ANKRD36C: variants seen among roughly 807,000 people sequenced by gnomAD.
The protein encoded by ANKRD36C is ankyrin repeat domain-containing protein 36C.
A neutral mutation model predicts 276.4 loss-of-function variants in ANKRD36C; 61 were observed. The observed-to-expected ratio is 0.22, with a 90% CI of 0.18 to 0.27. The LOEUF (loss-of-function observed/expected upper bound fraction) is 0.27, where lower values mean the gene tolerates loss of function less well. Ranked by LOEUF, ANKRD36C falls within the 10% of genes least tolerant of loss-of-function variation. The probability of loss-of-function intolerance (pLI) is 1.00; values close to 1 mark genes in which losing one functional copy is unlikely to be tolerated. For synonymous variants in ANKRD36C, 483 were observed against 680.1 expected (o/e 0.71, Z 4.51); for missense variants, 1,447 against 2,032.3 (o/e 0.71, Z 5.54).
chr2:95,869,576 G>A (rs867799605), intron 59 of ANKRD36C, among the ~76,000 whole-genome samples: 5 of 152,222 alleles, frequency 3.3e-5, no homozygotes, highest in Admixed American at 6.5e-5. Flanking sequence ...AGCTCCCAGC[G>A]TGAGCGACGC....
chr2:95,964,015 G>A (rs200824250), intron 6 of ANKRD36C, among the ~76,000 whole-genome samples: 2,209 of 15,056 alleles, frequency 0.15, 23 homozygotes, highest in African/African-American at 0.19. Context: ...ATATATATAT[G>A]TGTGTGTGTG....
At chr2:95,860,003 G>A (rs1487641015) in exon 61 of ANKRD36C, 2 of 1,548,214 alleles carry the variant, frequency 1.3e-6, no homozygotes, top group East Asian at 4.9e-5. Context: ...TGCTCACAGT[G>A]ATTATCTTTA....
intron 4 of ANKRD36C, among the ~76,000 whole-genome samples, chr2:95,981,229 A>T (rs1457409836): frequency 6.6e-6 from 1 of 151,660 alleles, no homozygotes; most frequent in Non-Finnish European, 1.5e-5. Context: ...TCAGTTAATG[A>T]TGCTCATAAG....
At position 95,923,063 on chromosome 2, in the gene ANKRD36C, A is replaced by C. The variant is rs1175116992; in HGVS notation, c.2143+432T>G. Among the ~76,000 whole-genome samples the C allele has an allele frequency of 7.9e-5, 12 of 151,560 alleles. No individual in the cohort carries two copies. The South Asian group carries it at 2.5e-3, about 31-fold the overall frequency. Reference sequence around the variant, plus strand: ...CTTCCTTGAGGAAAATCATTGCTACATCAGTGGTCTCATTAGTTCTCGTTC... The same window carrying C: ...CTTCCTTGAGGAAAATCATTGCTACCTCAGTGGTCTCATTAGTTCTCGTTC... On this transcript the variant is annotated intron_variant, in intron 32 of 66. Coordinates refer to ENST00000456556, the Ensembl canonical transcript of ANKRD36C.
chr2:95,851,299 C>T, intron 66 of ANKRD36C, 104 bp from the exon 87 acceptor site: 1 of 810,300 alleles, frequency 1.2e-6, no homozygotes, highest in Non-Finnish European at 2.0e-6. Flanking sequence ...GATTGATCAT[C>T]CCTAATCTAA....
intron 6 of ANKRD36C, among the ~76,000 whole-genome samples, chr2:95,963,972 A>AATATATATATATAT (rs1160108122): frequency 2.5e-4 from 12 of 48,962 alleles, no homozygotes; most frequent in East Asian, 5.7e-4. Context: ...TATATATATA[A>AATATATATATATAT]ATATATATAT....
intron 64 of ANKRD36C, 39 bp downstream of exon 84, chr2:95,853,668 TAC>T (rs1457958725): frequency 6.4e-7 from 1 of 1,552,398 alleles, no homozygotes; most frequent in African/African-American, 1.4e-5. Flanking sequence ...GTTAACTAGC[TAC>T]AGATTAACAG....
At chr2:95,873,655 A>G (rs546899606) in intron 59 of ANKRD36C, among the ~76,000 whole-genome samples, 4 of 152,238 alleles carry the variant, frequency 2.6e-5, no homozygotes, top group Admixed American at 2.0e-4. Context: ...CCTATTCAAC[A>G]TAGTGTTGGA....
At chr2:95,857,970 T>C (rs1409447931) in intron 61 of ANKRD36C, among the ~76,000 whole-genome samples, 2 of 151,990 alleles carry the variant, frequency 1.3e-5, no homozygotes, top group Non-Finnish European at 2.9e-5. Context: ...TGAACATTTC[T>C]TTCCATTAAT....
intron 34 of ANKRD36C, chr2:95,919,737 C>G (rs1677214774): frequency 1.1e-6 from 1 of 875,730 alleles, no homozygotes; most frequent in Non-Finnish European, 1.4e-6. Flanking sequence ...AATTACCTGT[C>G]TCAGATTTTT....
intron 22 of ANKRD36C, among the ~76,000 whole-genome samples, chr2:95,937,117 C>A (rs1573782929): frequency 1.3e-5 from 2 of 152,410 alleles, no homozygotes; most frequent in African/African-American, 4.8e-5. Context: ...CTTTTATGTA[C>A]ACAAACTTTT....
intron 28 of ANKRD36C, among the ~76,000 whole-genome samples, 175 bp downstream of exon 28, chr2:95,927,039 T>C (rs1157592352): frequency 2.0e-5 from 3 of 151,554 alleles, no homozygotes; most frequent in Non-Finnish European, 4.4e-5. Flanking sequence ...ATAATCTTAC[T>C]GCAAAGATCA....
chr2:95,889,921 G>A (rs1310857425), intron 47 of ANKRD36C, 45 bp downstream of exon 67: 11 of 1,608,848 alleles, frequency 6.8e-6, no homozygotes, highest in Non-Finnish European at 9.3e-6. Flanking sequence ...ATGTTTCATA[G>A]ACTATACAGT....
chr2:95,856,878 A>G (rs1460642692), intron 62 of ANKRD36C, among the ~76,000 whole-genome samples: 1 of 152,176 alleles, frequency 6.6e-6, no homozygotes, highest in Non-Finnish European at 1.5e-5. Flanking sequence ...AGGTAGATAT[A>G]TACATACAAA....
At chr2:95,861,249 A>G (rs1394009484) in intron 60 of ANKRD36C, among the ~76,000 whole-genome samples, 1 of 152,124 alleles carries the variant, frequency 6.6e-6, no homozygotes, top group Non-Finnish European at 1.5e-5. Flanking sequence ...CATTGTCACA[A>G]ATAAAAACTA....
chr2:95,882,432 A>T (rs1216103854), intron 55 of ANKRD36C, 37 bp downstream of exon 75: 2 of 1,547,426 alleles, frequency 1.3e-6, no homozygotes, highest in African/African-American at 2.8e-5. Context: ...TAGGCTATGC[A>T]ATAAATAATT....
At chr2:95,950,690 T>G in intron 16 of ANKRD36C, 59 bp downstream of exon 16, 1 of 1,520,710 alleles carries the variant, frequency 6.6e-7, no homozygotes. Flanking sequence ...AGATACTAGT[T>G]TCTCTTCTCG....
chr2:95,894,023 A>G (rs1676458150), intron 44 of ANKRD36C, among the ~76,000 whole-genome samples: 1 of 151,506 alleles, frequency 6.6e-6, no homozygotes, highest in South Asian at 2.1e-4. Flanking sequence ...AACAAATGTG[A>G]TCTAAAATCA....
intron 28 of ANKRD36C, among the ~76,000 whole-genome samples, chr2:95,926,985 G>T (rs536221241): frequency 8.6e-5 from 13 of 151,534 alleles, no homozygotes; most frequent in African/African-American, 3.1e-4. Context: ...GTCTTTAATG[G>T]CTCTCCAACG....
Sources: gnomAD v4.1 joint callset for allele counts (sites outside exome capture counted in the v4.1 genomes callset) on GRCh38, gnomAD v4.1.1 for gene constraint, MANE v1.5 for transcripts, NCBI Gene and HGNC (gene_info 2026-07-23, HGNC 2026-07-21) for gene names.